FKTN: variants seen among roughly 807,000 people sequenced by gnomAD.
The protein encoded by FKTN is fukutin, also known as ribitol-5-phosphate transferase FKTN.
In FKTN, 47 loss-of-function variants were observed where a neutral mutation model predicts 58.6. The ratio of observed to expected loss-of-function variants is 0.80; its 90% CI spans 0.63 to 1.02. FKTN has a LOEUF of 1.02. FKTN is among the 50% of genes least tolerant of loss of function. The pLI is 0.00. For synonymous variants in FKTN, 178 were observed against 191.9 expected (o/e 0.93, Z 0.60); for missense variants, 516 against 537.3 (o/e 0.96, Z 0.39).
intron 4 of FKTN, chr9:105,597,971 G>A (rs1382950948): frequency 6.0e-6 from 2 of 334,678 alleles, no homozygotes; most frequent in Non-Finnish European, 1.2e-5. Flanking sequence ...AGTAAATAGA[G>A]AGAGCAGTCA....
chr9:105,592,522 A>G (rs911621341), intron 3 of FKTN, among the ~76,000 whole-genome samples: 1 of 152,150 alleles, frequency 6.6e-6, no homozygotes, highest in African/African-American at 2.4e-5. Context: ...CTGTAATCCT[A>G]GCTACTCAGA....
At chr9:105,577,845 T>G (rs1018371220) in intron 3 of FKTN, among the ~76,000 whole-genome samples, 10 of 149,922 alleles carry the variant, frequency 6.7e-5, no homozygotes, top group Non-Finnish European at 7.4e-5. Context: ...TTTATTTCCT[T>G]GAGCAGTGGT....
At position 105,621,471 on chromosome 9, in the gene FKTN, A is replaced by G. The variant is rs183054832; in HGVS notation, c.1172+1410A>G. Among the ~76,000 whole-genome samples the G allele has an allele frequency of 4.3e-3, 658 of 152,288 alleles. 3 individuals carry two copies. The highest frequency in any genetic ancestry group is 6.8e-3 in the Non-Finnish European group (463 of 67,984). Reference sequence around the variant, plus strand: ...TAAATTTTTGAATAGATTATACATTACATAGTTAAAATATTCAAAGAATAT... The same window carrying G: ...TAAATTTTTGAATAGATTATACATTGCATAGTTAAAATATTCAAAGAATAT... On this transcript the variant is annotated intron_variant, in intron 10 of 10. Coordinates refer to ENST00000357998, the MANE Select transcript of FKTN (RefSeq NM_001079802.2).
intron 9 of FKTN, 109 bp downstream of exon 9, chr9:105,618,201 T>A: frequency 1.1e-6 from 1 of 928,006 alleles, no homozygotes. Context: ...ATTTTATCAC[T>A]CAGTATTGAC....
chr9:105,630,807 A>G (rs1008473142), intron 10 of FKTN, among the ~76,000 whole-genome samples: 48 of 152,270 alleles, frequency 3.2e-4, no homozygotes, highest in African/African-American at 1.1e-3. Flanking sequence ...ATAATTAACC[A>G]AAAGGAGAGA....
At chr9:105,623,386 G>C (rs1832287042) in intron 10 of FKTN, among the ~76,000 whole-genome samples, 1 of 152,128 alleles carries the variant, frequency 6.6e-6, no homozygotes, top group Non-Finnish European at 1.5e-5. Flanking sequence ...ACCTGAGTCA[G>C]ACCTAGGTGT....
chr9:105,610,780 G>A (rs958357813), intron 7 of FKTN, among the ~76,000 whole-genome samples: 4 of 151,926 alleles, frequency 2.6e-5, no homozygotes, highest in Admixed American at 2.6e-4. Context: ...CCCGTATCAG[G>A]CAATCCCTTT....
In FKTN at chr9:105,635,090, T is replaced by G. The variant is rs776724595; in HGVS notation, c.1212T>G (p.Phe404Leu). ...AGTTTACACTGTGCTGGACTGAGTT[T>G]GTAGACATGAAGGTCCATGTACCCT... ...FPKFTLCWTE[F>L]VDMKVHVPCE... Residue 404 changes from phenylalanine to leucine, a missense_variant, in exon 11 of 11, where the codon TTT becomes TTG. Phe to Leu is a conservative substitution (Grantham distance 22, BLOSUM62 0). Transcript: ENST00000357998. The G allele has an allele frequency of 3.5e-5, 56 of 1,614,180 alleles. No homozygotes were observed. The South Asian group carries it at 5.9e-4, about 17-fold the overall frequency.
chr9:105,584,697 G>A (rs1843604328), intron 3 of FKTN, among the ~76,000 whole-genome samples: 1 of 152,012 alleles, frequency 6.6e-6, no homozygotes, highest in Non-Finnish European at 1.5e-5. Flanking sequence ...GCGTGTGCCT[G>A]TAGTCCCAGC....
chr9:105,559,116 T>C (rs1454566077), intron 1 of FKTN, among the ~76,000 whole-genome samples: 1 of 152,182 alleles, frequency 6.6e-6, no homozygotes, highest in East Asian at 1.9e-4. Flanking sequence ...AAAAGTAAGT[T>C]TAAGTGCTGT....
At chr9:105,610,115 T>C (rs1469578362) in intron 7 of FKTN, among the ~76,000 whole-genome samples, 1 of 151,212 alleles carries the variant, frequency 6.6e-6, no homozygotes, top group African/African-American at 2.5e-5. Context: ...TTTTGACTTG[T>C]CTCCGTTGTT....
chr9:105,594,465 A>G (rs2132541785), intron 3 of FKTN, among the ~76,000 whole-genome samples: 1 of 152,358 alleles, frequency 6.6e-6, no homozygotes, highest in East Asian at 1.9e-4. Context: ...TCATGAATTT[A>G]AATTGACATC....
At chr9:105,564,020 C>G (rs865923109) in intron 1 of FKTN, among the ~76,000 whole-genome samples, 2 of 152,204 alleles carry the variant, frequency 1.3e-5, no homozygotes, top group African/African-American at 4.8e-5. Context: ...GCAGCCTCTG[C>G]TGATACCCAG....
intron 10 of FKTN, among the ~76,000 whole-genome samples, chr9:105,632,455 AAAAT>A (rs1199515364): frequency 9.3e-5 from 14 of 149,752 alleles, no homozygotes; most frequent in East Asian, 7.8e-4. Context: ...AATAAAAAAT[AAAAT>A]AAATAAAAAA....
chr9:105,617,857 TAA>T, intron 8 of FKTN, 100 bp from the exon 9 acceptor site: 1 of 758,644 alleles, frequency 1.3e-6, no homozygotes, highest in Non-Finnish European at 2.1e-6. Flanking sequence ...TCTGTCTCTT[TAA>T]AAAAAAAGAA....
chr9:105,626,981 C>CTTTTTTTTTTTTTTTTT (rs60710867), intron 10 of FKTN, among the ~76,000 whole-genome samples: 5 of 128,032 alleles, frequency 3.9e-5, no homozygotes, highest in African/African-American at 1.5e-4. Context: ...CTTCTTTATT[C>CTTTTTTTTTTTTTTTTT]TTTTTTTTTT....
Position 105,638,347 on chromosome 9 carries a change from A to G in FKTN, c.*3083A>G, listed in dbSNP as rs1255410380. 6.1e-6 allele frequency: 6 copies of G among 985,234 alleles called. No homozygotes were observed. The highest frequency in any genetic ancestry group is 7.2e-6 in the Non-Finnish European group (6 of 829,932). 61.0% of individuals were successfully genotyped at this position (985,234 alleles called of 1,614,324 possible). ...GGCGACAGAGAGGTCAAGGGGAAGT[A>G]TTTTCTAGTTCAGAATTCAGAATTC... On this transcript the variant is annotated 3_prime_UTR_variant, in exon 11 of 11. Transcript: ENST00000357998.
chr9:105,570,153 A>G (rs1384708457), intron 1 of FKTN, among the ~76,000 whole-genome samples: 2 of 150,740 alleles, frequency 1.3e-5, no homozygotes, highest in Non-Finnish European at 3.0e-5. Flanking sequence ...TTTTTTTTTT[A>G]TATTTCAAAT....
intron 1 of FKTN, among the ~76,000 whole-genome samples, chr9:105,567,232 T>C (rs980842886): frequency 1.3e-5 from 2 of 152,176 alleles, no homozygotes; most frequent in African/African-American, 2.4e-5. Context: ...CTTTGAAAAC[T>C]GGCACAAGAC....
Sources: allele counts gnomAD v4.1 joint callset (sites outside exome capture counted in the v4.1 genomes callset), GRCh38; gene constraint gnomAD v4.1.1; transcripts MANE v1.5; gene names NCBI Gene and HGNC (gene_info 2026-07-23, HGNC 2026-07-21).